GPC5: variants seen among roughly 807,000 people sequenced by gnomAD.
GPC5 encodes the protein glypican 5.
In GPC5, 47 loss-of-function variants were observed where a neutral mutation model predicts 53.9. The observed-to-expected ratio is 0.87, with a 90% CI of 0.69 to 1.11. GPC5 has a LOEUF of 1.11. Among genes scored for constraint, GPC5 ranks in the 50% most tolerant of loss-of-function variants. The pLI is 0.00. For synonymous variants in GPC5, 286 were observed against 263.3 expected, an observed-to-expected ratio of 1.09 and a Z score of -0.84; for missense variants, 748 against 713.1, an observed-to-expected ratio of 1.05 and a Z score of -0.56.
intron 1 of GPC5, among the ~76,000 whole-genome samples, chr13:91,444,842 C>G (rs910056058): frequency 6.6e-6 from 1 of 152,094 alleles, no homozygotes; most frequent in Non-Finnish European, 1.5e-5. Context: ...CAAAATTCTC[C>G]CAGTTTCAGC....
At chr13:92,474,762 C>G (rs1357372754) in intron 7 of GPC5, among the ~76,000 whole-genome samples, 1 of 151,976 alleles carries the variant, frequency 6.6e-6, no homozygotes, top group Admixed American at 6.6e-5. Flanking sequence ...GTAACATAAT[C>G]CCAAGTCAGG....
chr13:92,614,220 C>G (rs1163024402), intron 7 of GPC5, among the ~76,000 whole-genome samples: 1 of 152,040 alleles, frequency 6.6e-6, no homozygotes. Context: ...ATGACCATAT[C>G]TTAATGAAGT....
chr13:91,684,893 T>C (rs931500919), intron 2 of GPC5, among the ~76,000 whole-genome samples: 6 of 152,176 alleles, frequency 3.9e-5, no homozygotes, highest in African/African-American at 1.4e-4. Flanking sequence ...CTCACTGAGC[T>C]CCAATCACAT....
intron 5 of GPC5, among the ~76,000 whole-genome samples, chr13:91,803,963 A>G (rs2038178649): frequency 6.6e-6 from 1 of 152,180 alleles, no homozygotes; most frequent in Non-Finnish European, 1.5e-5. Flanking sequence ...AAGAGACACA[A>G]CAAGGGGACA....
At position 91,686,188 on chromosome 13, in the gene GPC5, T is replaced by C. The variant is rs114416135; in HGVS notation, c.326-6999T>C. Among the ~76,000 whole-genome samples the C allele has an allele frequency of 3.7e-3, 570 of 152,174 alleles. 4 individuals are homozygous for C. Among genetic ancestry groups the C allele is most frequent in the African/African-American group, 0.013 (551 of 41,560 alleles). The stretch of plus-strand genomic sequence containing the variant: ...TGTTACACAACTGCTTAAGGGAATT[T>C]AAATTTCTGCTAAAATCAAGTTGAT... On this transcript the variant is annotated intron_variant, in intron 2 of 7. Coordinates refer to ENST00000377067, the MANE Select transcript of GPC5 (RefSeq NM_004466.6).
At chr13:92,812,428 AAG>A (rs1877328849) in intron 7 of GPC5, among the ~76,000 whole-genome samples, 1 of 151,944 alleles carries the variant, frequency 6.6e-6, no homozygotes, top group South Asian at 2.1e-4. Context: ...AAATAGAACA[AAG>A]AAAAAATTCA....
chr13:92,218,803 G>T (rs966482643), intron 7 of GPC5, among the ~76,000 whole-genome samples: 3 of 152,124 alleles, frequency 2.0e-5, no homozygotes, highest in African/African-American at 7.2e-5. Flanking sequence ...GATAAAATTA[G>T]CATGTTAAAG....
chr13:92,700,616 A>G (rs777768082), intron 7 of GPC5, among the ~76,000 whole-genome samples: 15 of 152,168 alleles, frequency 9.9e-5, no homozygotes, highest in Non-Finnish European at 1.9e-4. Context: ...TTCTATTGCA[A>G]TGCTGCCTAA....
intron 5 of GPC5, among the ~76,000 whole-genome samples, chr13:91,903,395 T>C (rs918842160): frequency 6.6e-5 from 10 of 152,118 alleles, no homozygotes; most frequent in African/African-American, 2.4e-4. Context: ...GTTGGGTATA[T>C]GCCCAAGGTC....
intron 7 of GPC5, among the ~76,000 whole-genome samples, chr13:92,677,279 A>T (rs114190113): frequency 6.6e-6 from 1 of 152,178 alleles, no homozygotes; most frequent in African/African-American, 2.4e-5. Context: ...TTATAATCAC[A>T]TCACTAATTT....
At chr13:92,066,979 T>A (rs928227251) in intron 6 of GPC5, among the ~76,000 whole-genome samples, 1 of 152,058 alleles carries the variant, frequency 6.6e-6, no homozygotes, top group African/African-American at 2.4e-5. Flanking sequence ...GTAAGCTTTT[T>A]CCCCTAGCAA....
intron 5 of GPC5, among the ~76,000 whole-genome samples, chr13:91,890,022 G>A (rs1225975815): frequency 2.0e-5 from 3 of 152,162 alleles, no homozygotes; most frequent in Non-Finnish European, 4.4e-5. Context: ...AACTATGTGT[G>A]CATTCAGGGA....
At chr13:91,721,971 C>T (rs2036483700) in intron 3 of GPC5, among the ~76,000 whole-genome samples, 1 of 152,166 alleles carries the variant, frequency 6.6e-6, no homozygotes. Context: ...GGAATATAAG[C>T]TCCTAGAGAG....
At chr13:92,530,062 G>A (rs970255116) in intron 7 of GPC5, among the ~76,000 whole-genome samples, 2 of 152,078 alleles carry the variant, frequency 1.3e-5, no homozygotes, top group Admixed American at 6.6e-5. Flanking sequence ...CAGCCTGGGC[G>A]GCAGAGCAAA....
At chr13:92,568,591 ACACTC>A (rs1302204769) in intron 7 of GPC5, among the ~76,000 whole-genome samples, 2 of 152,190 alleles carry the variant, frequency 1.3e-5, no homozygotes, top group Non-Finnish European at 2.9e-5. Flanking sequence ...TTTACTGACA[ACACTC>A]CATTTGTTTT....
At chr13:92,385,475 TATACATATATAC>T (rs1424127385) in intron 7 of GPC5, among the ~76,000 whole-genome samples, 2 of 58,316 alleles carry the variant, frequency 3.4e-5, no homozygotes, top group African/African-American at 8.2e-5. Context: ...TATATACATA[TATACATATATAC>T]ACATATATAC....
intron 2 of GPC5, among the ~76,000 whole-genome samples, chr13:91,562,433 T>C (rs371373633): frequency 1.6e-4 from 24 of 151,958 alleles, no homozygotes; most frequent in African/African-American, 5.6e-4. Context: ...AGCTAGCATA[T>C]GTTCTATGAT....
At chr13:92,726,291 C>A (rs1888645428) in intron 7 of GPC5, among the ~76,000 whole-genome samples, 1 of 151,526 alleles carries the variant, frequency 6.6e-6, no homozygotes, top group Admixed American at 6.6e-5. Context: ...GTTTACCATA[C>A]CTGGAATCAA....
At chr13:92,348,433 C>A (rs911998960) in intron 7 of GPC5, among the ~76,000 whole-genome samples, 1 of 151,838 alleles carries the variant, frequency 6.6e-6, no homozygotes, top group African/African-American at 2.4e-5. Context: ...AAATATAAAA[C>A]AAATATGAAA....
Sources: gnomAD v4.1 joint callset for allele counts (sites outside exome capture counted in the v4.1 genomes callset) on GRCh38, gnomAD v4.1.1 for gene constraint, MANE v1.5 for transcripts, NCBI Gene and HGNC (gene_info 2026-07-23, HGNC 2026-07-21) for gene names.